The following R3HCC1 variants were observed in gnomAD, a reference collection of about 807,000 sequenced individuals.
R3HCC1 encodes R3H domain and coiled-coil containing 1.
A neutral mutation model predicts 40.0 loss-of-function variants in R3HCC1; 32 were observed. That is an observed-to-expected ratio of 0.80 (90% CI 0.60 to 1.07). R3HCC1 has a LOEUF of 1.07. Ranked by LOEUF, R3HCC1 falls within the 50% of genes least tolerant of loss-of-function variation. R3HCC1 has a pLI of 0.00. For synonymous variants in R3HCC1, 237 were observed against 232.8 expected (o/e 1.02, Z -0.17); for missense variants, 586 against 563.3 (o/e 1.04, Z -0.41).
At chr8:23,289,384 G>C (rs1206865037) in intron 3 of R3HCC1, among the ~76,000 whole-genome samples, 1 of 152,246 alleles carries the variant, frequency 6.6e-6, no homozygotes, top group Non-Finnish European at 1.5e-5. Context: ...GGCCAAAAGA[G>C]AGAGAGAGAT....
At chr8:23,294,419 G>A (rs1042622989) in intron 6 of R3HCC1, among the ~76,000 whole-genome samples, 12 of 152,324 alleles carry the variant, frequency 7.9e-5, no homozygotes, top group African/African-American at 2.6e-4. Flanking sequence ...CATGTTCCCT[G>A]GAGGGTCTTG....
chr8:23,291,682 G>A, intron 5 of R3HCC1, 149 bp downstream of exon 5: 3 of 1,349,424 alleles, frequency 2.2e-6, no homozygotes, highest in Non-Finnish European at 3.0e-6. Flanking sequence ...TGTATTCCTG[G>A]GCAGTTCTCC....
rs1439872324 is a variant in R3HCC1, at chr8:23,293,283, TCTC to T, written c.1026-16_1026-14del. On this transcript the variant is annotated splice_polypyrimidine_tract_variant and intron_variant, in intron 5 of 7. Coordinates refer to ENST00000265806, the MANE Select transcript of R3HCC1 (RefSeq NM_001136108.3). Reference sequence around the variant, plus strand: ...ACTGCTTGCTTTCCTGAATGTGCTGTCTCCTCTCTCGCCGCACAGAGAGAAGGG... The same window carrying T: ...ACTGCTTGCTTTCCTGAATGTGCTGTCTCTCTCGCCGCACAGAGAGAAGGG... The T allele has an allele frequency of 1.3e-6, 2 of 1,545,492 alleles. No individual in the cohort carries two copies. The highest frequency in any genetic ancestry group is 2.0e-5 in the Admixed American group (1 of 50,912).
rs1440915077 is a variant in R3HCC1 at position 23,294,752 on chromosome 8, C to T, written c.1097-17C>T. The T allele has an allele frequency of 6.5e-7, 1 of 1,548,806 alleles. No homozygotes were observed. The highest frequency in any genetic ancestry group is 8.7e-7 in the Non-Finnish European group (1 of 1,145,080). On this transcript the variant is annotated splice_polypyrimidine_tract_variant and intron_variant, in intron 6 of 7. Coordinates refer to ENST00000265806, the MANE Select transcript of R3HCC1 (RefSeq NM_001136108.3). ...TGAGGAGGAGGGAGTGGCTCCACGC[C>T]TGCTTTCTTTCCACAGCTGCGGAAG... is the stretch of plus-strand genomic sequence containing the variant.
chr8:23,288,636 A>T lies in R3HCC1; in HGVS notation c.110+3A>T. 6.5e-7 allele frequency: 1 copy of T among 1,535,904 alleles called. No homozygotes were observed. ...CTGCTGCAGAAGCAGCTGTCAAAGT[A>T]GGCTCATGTGAGGGGCGAGGGTGCC... On this transcript the variant is annotated splice_donor_region_variant and intron_variant, in intron 2 of 7. Transcript: ENST00000265806.
rs959657144 is a variant in R3HCC1, at chr8:23,288,670, G to GGGAAGGGC, written c.110+38_110+45dup. ...TGAGGGGCGAGGGTGCCGCCTTGCTGGGAAGGGCAGGGTTCCCGAGCCGCC... is the reference window on the plus strand; with the variant it reads ...TGAGGGGCGAGGGTGCCGCCTTGCTGGGAAGGGCGGAAGGGCAGGGTTCCCGAGCCGCC... On this transcript the variant is annotated intron_variant, in intron 2 of 7. Transcript: ENST00000265806. 2.0e-6 allele frequency: 3 copies of GGGAAGGGC among 1,531,310 alleles called. No homozygotes were observed. The Admixed American group carries it at 5.9e-5, about 30-fold the overall frequency. 94.9% of individuals were successfully genotyped at this position (1,531,310 alleles called of 1,614,324 possible).
Position 23,288,152 on chromosome 8 carries a change from G to T in R3HCC1, c.-24G>T, listed in dbSNP as rs781382371. 5 of 1,248,676 alleles carry T rather than the reference G, an allele frequency of 4.0e-6. No individual in the cohort carries two copies. The highest frequency in any genetic ancestry group is 5.1e-6 in the Non-Finnish European group (5 of 972,580). The allele number at this position is 1,248,676 out of a possible 1,614,324, so 77.3% of individuals were successfully genotyped here. On this transcript the variant is annotated 5_prime_UTR_variant, in exon 1 of 8. Coordinates refer to ENST00000265806, the MANE Select transcript of R3HCC1 (RefSeq NM_001136108.3). ...GAGGGCGGCTGCGACGCGCCGAGAG[G>T]CCGCGGTGAGTGCAGCAGCACTGGG...
chr8:23,296,124 C>G lies in R3HCC1; in HGVS notation c.*27C>G, dbSNP rs777488714. 5.2e-6 allele frequency: 8 copies of G among 1,540,262 alleles called. No homozygotes were observed. Among genetic ancestry groups the G allele is most frequent in the South Asian group, 1.2e-5 (1 of 83,242 alleles). On this transcript the variant is annotated 3_prime_UTR_variant, in exon 8 of 8. Transcript: ENST00000265806. Reference sequence around the variant, plus strand: ...GCCTGGAGACCCAACTGGCCTGGATCTGCGTCCCGACGTAGCTGGCGCCCC... The same window carrying G: ...GCCTGGAGACCCAACTGGCCTGGATGTGCGTCCCGACGTAGCTGGCGCCCC...
intron 5 of R3HCC1, among the ~76,000 whole-genome samples, chr8:23,292,703 C>G (rs988831919): frequency 5.3e-5 from 8 of 152,238 alleles, no homozygotes; most frequent in African/African-American, 1.7e-4. Context: ...GTGCTCTGCT[C>G]CTGAGCAGGA....
rs1258321181 is a variant in R3HCC1, at chr8:23,289,017, GTTC to G, written c.118_120del (p.Leu40del). 2 of 1,536,532 alleles carry G rather than the reference GTTC, an allele frequency of 1.3e-6. No homozygotes were observed. Among genetic ancestry groups the G allele is most frequent in the Admixed American group, 2.0e-5 (1 of 51,000 alleles). Reference sequence around the variant, plus strand: ...GCACTTCTTCCCCTCCCTCCCCAGGGTTCTTCTTTTCCCCCCACTCTCCAGTCG... The same window carrying G: ...GCACTTCTTCCCCTCCCTCCCCAGGGTTCTTTTCCCCCCACTCTCCAGTCG... On this transcript the variant is annotated inframe_deletion and splice_region_variant, in exon 3 of 8. Transcript: ENST00000265806.
chr8:23,288,731 C>T, intron 2 of R3HCC1, 98 bp downstream of exon 2: 1 of 1,438,302 alleles, frequency 7.0e-7, no homozygotes, highest in Non-Finnish European at 9.4e-7. Context: ...TGGCAGCTGG[C>T]TCTGACCTTG....
intron 4 of R3HCC1, 25 bp downstream of exon 4, chr8:23,290,494 A>G: frequency 6.5e-7 from 1 of 1,530,954 alleles, no homozygotes; most frequent in Non-Finnish European, 8.8e-7. Context: ...GAGCCCGAAA[A>G]GGGAGGGCGG....
chr8:23,288,520 C>T lies in R3HCC1; in HGVS notation c.-4C>T. ...CTCTCTTACAGGCTCTCCCACCTGT[C>T]ACCCTGGCCCTTCTCTGCTTGGATG... On this transcript the variant is annotated 5_prime_UTR_variant, in exon 2 of 8. Coordinates refer to ENST00000265806, the MANE Select transcript of R3HCC1 (RefSeq NM_001136108.3). The T allele has an allele frequency of 3.3e-6, 5 of 1,536,064 alleles. No homozygotes were observed. The highest frequency in any genetic ancestry group is 4.4e-6 in the Non-Finnish European group (5 of 1,146,866).
chr8:23,288,737 C>T, intron 2 of R3HCC1, 104 bp downstream of exon 2: 2 of 1,405,130 alleles, frequency 1.4e-6, no homozygotes, highest in South Asian at 1.3e-5. Context: ...CTGGCTCTGA[C>T]CTTGGCCTTT....
At position 23,289,003 on chromosome 8, in the gene R3HCC1, C is replaced by T. The variant is rs184708209; in HGVS notation, c.111-13C>T. On this transcript the variant is annotated splice_polypyrimidine_tract_variant and intron_variant, in intron 2 of 7. Coordinates refer to ENST00000265806, the MANE Select transcript of R3HCC1 (RefSeq NM_001136108.3). The stretch of plus-strand genomic sequence containing the variant: ...TGGACACCTGCTCAGCACTTCTTCC[C>T]CTCCCTCCCCAGGGTTCTTCTTTTC... 4.6e-6 allele frequency: 7 copies of T among 1,536,296 alleles called. No homozygotes were observed. The East Asian group carries it at 7.3e-5, about 16-fold the overall frequency.
chr8:23,290,540 C>A, intron 4 of R3HCC1, 71 bp downstream of exon 4: 1 of 1,473,358 alleles, frequency 6.8e-7, no homozygotes, highest in Non-Finnish European at 9.0e-7. Flanking sequence ...GGATGGGGAC[C>A]AAGGGTTATG....
In R3HCC1 at chr8:23,296,237, CAGAA is replaced by C; in HGVS notation, c.*142_*145del. 1.0e-6 allele frequency: 1 copy of C among 1,004,410 alleles called. No individual in the cohort carries two copies. 62.2% of individuals were successfully genotyped at this position (1,004,410 alleles called of 1,614,324 possible). ...GGTGTGGTGGGCTTTAGTTTAGTCC[CAGAA>C]ATGGAGAAAAAATAAAAACTCACGT... is the stretch of plus-strand genomic sequence containing the variant. On this transcript the variant is annotated 3_prime_UTR_variant, in exon 8 of 8. Coordinates refer to ENST00000265806, the MANE Select transcript of R3HCC1 (RefSeq NM_001136108.3).
Position 23,294,762 on chromosome 8 carries a change from T to G in R3HCC1, c.1097-7T>G. On this transcript the variant is annotated splice_polypyrimidine_tract_variant and splice_region_variant and intron_variant, in intron 6 of 7. Coordinates refer to ENST00000265806, the MANE Select transcript of R3HCC1 (RefSeq NM_001136108.3). Reference sequence around the variant, plus strand: ...GGAGTGGCTCCACGCCTGCTTTCTTTCCACAGCTGCGGAAGCCCTGACCCG... The same window carrying G: ...GGAGTGGCTCCACGCCTGCTTTCTTGCCACAGCTGCGGAAGCCCTGACCCG... 6.5e-7 allele frequency: 1 copy of G among 1,550,174 alleles called. No homozygotes were observed. The highest frequency in any genetic ancestry group is 2.4e-5 in the East Asian group (1 of 40,828).
In R3HCC1 at chr8:23,291,897, C is replaced by T. The variant is rs764870905; in HGVS notation, c.1025+364C>T. ...TGCTCAGTGTGTCTCCAGCAGGCTA[C>T]GGGCCAGCTCCATGTGGGAACTGTT... On this transcript the variant is annotated intron_variant, in intron 5 of 7. Transcript: ENST00000265806. Among the ~76,000 whole-genome samples, 119 of 152,202 alleles carry T rather than the reference C, an allele frequency of 7.8e-4. 3 individuals are homozygous for T. Among genetic ancestry groups the T allele is most frequent in the Non-Finnish European group, 3.2e-4 (22 of 68,042 alleles).
Sources: allele counts gnomAD v4.1 joint callset (sites outside exome capture counted in the v4.1 genomes callset), GRCh38; gene constraint gnomAD v4.1.1; transcripts MANE v1.5; gene names NCBI Gene and HGNC (gene_info 2026-07-23, HGNC 2026-07-21).